MAP1LC3A: variants seen among roughly 807,000 people sequenced by gnomAD.
MAP1LC3A encodes microtubule-associated protein 1 light chain 3 alpha.
In MAP1LC3A, 10 loss-of-function variants were observed where a neutral mutation model predicts 15.2. The ratio of observed to expected loss-of-function variants is 0.66; its 90% CI spans 0.41 to 1.12. The LOEUF (loss-of-function observed/expected upper bound fraction) is 1.12. Among genes scored for constraint, MAP1LC3A ranks in the 50% most tolerant of loss-of-function variants. The pLI, the probability that MAP1LC3A is intolerant of heterozygous loss-of-function variation, is 0.00. For synonymous variants in MAP1LC3A, 63 were observed against 64.3 expected, an observed-to-expected ratio of 0.98 and a Z score of 0.10; for missense variants, 138 against 167.3, an observed-to-expected ratio of 0.82 and a Z score of 0.97.
Position 34,560,100 on chromosome 20 carries a change from C to G in MAP1LC3A, c.*202C>G. The stretch of plus-strand genomic sequence containing the variant: ...CGTGTTAGGGTTGTCCCTCTGGGTG[C>G]TGGCTGGTGGGATGGGGGAGGGTGG... On this transcript the variant is annotated 3_prime_UTR_variant, in exon 4 of 4. Transcript: ENST00000360668. 21 of 321,492 alleles carry G rather than the reference C, an allele frequency of 6.5e-5. No homozygotes were observed. Among genetic ancestry groups the G allele is most frequent in the Middle Eastern group, 1.1e-3 (1 of 946 alleles). 19.9% of individuals were successfully genotyped at this position (321,492 alleles called of 1,614,324 possible). A position where few individuals can be genotyped will look rare whatever the true frequency, so the allele number is the denominator to read the frequency against.
At chr20:34,551,290 C>A (rs980554416) in intron 2 of MAP1LC3A, among the ~76,000 whole-genome samples, 2 of 151,358 alleles carry the variant, frequency 1.3e-5, no homozygotes, top group Non-Finnish European at 2.9e-5. Context: ...CATGGGTAAG[C>A]CTCAAAACTT....
chr20:34,549,117 C>T (rs1026850070), intron 1 of MAP1LC3A, among the ~76,000 whole-genome samples: 8 of 152,218 alleles, frequency 5.3e-5, no homozygotes, highest in African/African-American at 1.9e-4. Flanking sequence ...CCTCCGCCTC[C>T]CGGGTTCAAG....
In MAP1LC3A at chr20:34,560,266, C is replaced by G. The variant is rs566449414; in HGVS notation, c.*368C>G. The G allele has an allele frequency of 1.3e-5, 3 of 230,502 alleles. No individual in the cohort carries two copies. Among genetic ancestry groups the G allele is most frequent in the Non-Finnish European group, 2.6e-5 (3 of 116,304 alleles). 14.3% of individuals were successfully genotyped at this position (230,502 alleles called of 1,614,324 possible). A position where few individuals can be genotyped will look rare whatever the true frequency, so the allele number is the denominator to read the frequency against. ...CCTGAAAGACTGGCCCCTGGCTCCC[C>G]GCCCCTCGGTCTCCACGTGGTGTAT... On this transcript the variant is annotated 3_prime_UTR_variant, in exon 4 of 4. Coordinates refer to ENST00000360668, the MANE Select transcript of MAP1LC3A (RefSeq NM_032514.4).
intron 2 of MAP1LC3A, 39 bp downstream of exon 2, chr20:34,559,302 C>T (rs1421619178): frequency 5.1e-6 from 8 of 1,575,308 alleles, no homozygotes; most frequent in Non-Finnish European, 6.9e-6. Context: ...GCCCCCGCCT[C>T]GCGCGTTCCC....
chr20:34,554,432 G>A (rs1486744337), upstream of MAP1LC3A, among the ~76,000 whole-genome samples: 1 of 134,572 alleles, frequency 7.4e-6, no homozygotes, highest in Non-Finnish European at 1.5e-5. Flanking sequence ...GGAGTGCGGT[G>A]GCGCGATCTC....
chr20:34,551,648 G>C (rs887904366), intron 2 of MAP1LC3A, among the ~76,000 whole-genome samples: 4 of 151,904 alleles, frequency 2.6e-5, no homozygotes, highest in Admixed American at 6.6e-5. Context: ...TCTATCTTTA[G>C]TAGAGATGGG....
upstream of MAP1LC3A, chr20:34,558,533 C>A (rs939605168): frequency 6.3e-6 from 7 of 1,111,448 alleles, no homozygotes; most frequent in African/African-American, 9.8e-5. The surrounding 1 kb of genome is among the most constrained non-coding windows in gnomAD (Gnocchi z 4.3). Flanking sequence ...GGGAGAAGCT[C>A]CCGCGCTGCC....
Position 34,558,824 on chromosome 20 carries a change from C to T in MAP1LC3A, c.-45C>T, listed in dbSNP as rs766474781. On this transcript the variant is annotated 5_prime_UTR_variant, in exon 1 of 4. Coordinates refer to ENST00000360668, the MANE Select transcript of MAP1LC3A (RefSeq NM_032514.4). This position sits in a 1 kb window ranked among gnomAD's most constrained non-coding sequence, Gnocchi z 4.3. ...GAGCCCCCAAACCGCAGACACATCC[C>T]CGCGCCCCAGAGCCCCGGCCTGCGC... The T allele has an allele frequency of 1.4e-6, 2 of 1,423,170 alleles. No homozygotes were observed. The highest frequency in any genetic ancestry group is 9.1e-7 in the Non-Finnish European group (1 of 1,095,380). 88.2% of individuals were successfully genotyped at this position (1,423,170 alleles called of 1,614,324 possible).
intron 1 of MAP1LC3A, among the ~76,000 whole-genome samples, chr20:34,547,169 C>T (rs1005627595): frequency 7.1e-4 from 108 of 152,026 alleles, no homozygotes; most frequent in Non-Finnish European, 2.4e-4. Context: ...GGGACGCGGG[C>T]GGGGAGTTTG....
intron 1 of MAP1LC3A, 128 bp from the exon 2 acceptor site, chr20:34,559,080 C>A: frequency 7.5e-7 from 1 of 1,340,000 alleles, no homozygotes; most frequent in South Asian, 1.7e-5. Context: ...GTGCCAGGGG[C>A]TGTGGGGCCT....
upstream of MAP1LC3A, among the ~76,000 whole-genome samples, chr20:34,553,776 A>C (rs1434271725): frequency 1.3e-5 from 2 of 152,186 alleles, no homozygotes; most frequent in Non-Finnish European, 2.9e-5. Context: ...AAAGCCTAAA[A>C]TATTTACTGT....
chr20:34,557,638 T>C (rs1418470218), upstream of MAP1LC3A, among the ~76,000 whole-genome samples: 3 of 152,202 alleles, frequency 2.0e-5, no homozygotes, highest in African/African-American at 7.2e-5. Flanking sequence ...TTAAAAATTA[T>C]TTCGGCGGCC....
upstream of MAP1LC3A, among the ~76,000 whole-genome samples, chr20:34,554,012 C>T (rs1394972352): frequency 3.9e-5 from 6 of 152,206 alleles, no homozygotes. Flanking sequence ...TGGGCATCTT[C>T]AGTTTGGGTC....
chr20:34,557,907 G>A (rs1336202437), upstream of MAP1LC3A, among the ~76,000 whole-genome samples: 1 of 152,100 alleles, frequency 6.6e-6, no homozygotes, highest in Non-Finnish European at 1.5e-5. Context: ...CCAGCCTGGC[G>A]ACAGAACGAG....
At chr20:34,558,595 G>A (rs953920711), upstream of MAP1LC3A, 2 of 1,201,824 alleles carry the variant, frequency 1.7e-6, no homozygotes, top group Non-Finnish European at 2.1e-6. This position sits in a 1 kb window ranked among gnomAD's most constrained non-coding sequence, Gnocchi z 4.3. Flanking sequence ...CTCGCGTCCC[G>A]GTCCGCGGAC....
intron 2 of MAP1LC3A, chr20:34,550,091 G>A (rs926230277): frequency 5.9e-6 from 9 of 1,531,670 alleles, no homozygotes; most frequent in East Asian, 2.2e-5. Flanking sequence ...GTCCACACTC[G>A]CGGTCATCAG....
chr20:34,556,552 G>A (rs1982165751), upstream of MAP1LC3A, among the ~76,000 whole-genome samples: 1 of 151,544 alleles, frequency 6.6e-6, no homozygotes, highest in Admixed American at 6.6e-5. Context: ...TCCCTATGAT[G>A]GAGGACCTGG....
At position 34,559,935 on chromosome 20, in the gene MAP1LC3A, G is replaced by A. The variant is rs778028533; in HGVS notation, c.*37G>A. On this transcript the variant is annotated 3_prime_UTR_variant, in exon 4 of 4. Coordinates refer to ENST00000360668, the MANE Select transcript of MAP1LC3A (RefSeq NM_032514.4). ...GGGGGCTCGGCCTGGGAGTCGGGCG[G>A]CCCCGGTCAGGCCCTGCCCAGAGAG... 2.5e-6 allele frequency: 4 copies of A among 1,583,606 alleles called. No homozygotes were observed. In the African/African-American group the frequency reaches 4.0e-5, roughly 16 times the overall value.
chr20:34,558,292 C>CCTGTGTCTGA, upstream of MAP1LC3A: 2 of 985,900 alleles, frequency 2.0e-6, no homozygotes, highest in Non-Finnish European at 2.4e-6. The surrounding 1 kb of genome is among the most constrained non-coding windows in gnomAD (Gnocchi z 4.3). Flanking sequence ...CCTGTTCTAT[C>CCTGTGTCTGA]CTGTGTCTGA....
Sources: gnomAD v4.1 joint callset for allele counts (sites outside exome capture counted in the v4.1 genomes callset) on GRCh38, gnomAD v4.1.1 for gene constraint, Gnocchi (gnomAD v3.1) non-coding constraint, MANE v1.5 for transcripts, NCBI Gene and HGNC (gene_info 2026-07-23, HGNC 2026-07-21) for gene names.